Variants in ASB7 observed in about 807,000 individuals in gnomAD.
ASB7 encodes ankyrin repeat and SOCS box containing 7, also known as ankyrin repeat and SOCS box protein 7.
A neutral mutation model predicts 32.5 loss-of-function variants in ASB7; 4 were observed. That is an observed-to-expected ratio of 0.12 (90% CI 0.06 to 0.28). ASB7 has a LOEUF of 0.28. Ranked by LOEUF, ASB7 falls within the 10% of genes least tolerant of loss-of-function variation. The pLI, the probability that ASB7 is intolerant of heterozygous loss-of-function variation, is 1.00. For synonymous variants in ASB7, 172 were observed against 155.6 expected, an observed-to-expected ratio of 1.11 and a Z score of -0.78; for missense variants, 181 against 407.1, an observed-to-expected ratio of 0.44 and a Z score of 4.78.
chr15:100,622,644 T>C (rs1004129031), intron 4 of ASB7, among the ~76,000 whole-genome samples: 6 of 152,138 alleles, frequency 3.9e-5, no homozygotes, highest in Admixed American at 3.3e-4. Flanking sequence ...GAAATCTACG[T>C]ATTTTTAGTA....
At chr15:100,615,705 T>C (rs1278475630) in intron 4 of ASB7, among the ~76,000 whole-genome samples, 1 of 152,260 alleles carries the variant, frequency 6.6e-6, no homozygotes, top group Non-Finnish European at 1.5e-5. Flanking sequence ...AGATAGTCTA[T>C]GCATGTAGGC....
chr15:100,613,135 A>G (rs1567112055), intron 4 of ASB7, among the ~76,000 whole-genome samples: 1 of 152,208 alleles, frequency 6.6e-6, no homozygotes, highest in Non-Finnish European at 1.5e-5. Flanking sequence ...ATATTTGATC[A>G]TGTATACCCA....
At position 100,629,953 on chromosome 15, in the gene ASB7, G is replaced by A. The variant is rs1313900481; in HGVS notation, c.728G>A (p.Arg243Gln). Reference sequence around the variant, plus strand: ...AATTACGGAGCAGACACGAACACACGGAACTATGAAGGACAGACCCCATTG... The same window carrying A: ...AATTACGGAGCAGACACGAACACACAGAACTATGAAGGACAGACCCCATTG... Reference protein sequence around the residue: ...LYNYGADTNTRNYEGQTPLAV... With the variant: ...LYNYGADTNTQNYEGQTPLAV... The change falls in exon 5 of 6, where the codon CGG becomes CAG. Residue 243 changes from arginine to glutamine, a missense_variant. Transcript: ENST00000332783. The surrounding 1 kb of genome is among the most constrained non-coding windows in gnomAD (Gnocchi z 6.8). 5.0e-6 allele frequency: 8 copies of A among 1,614,036 alleles called. No individual in the cohort carries two copies. Among genetic ancestry groups the A allele is most frequent in the East Asian group, 2.2e-5 (1 of 44,894 alleles).
chr15:100,630,490 A>G (rs549700302), intron 5 of ASB7, among the ~76,000 whole-genome samples: 3 of 152,336 alleles, frequency 2.0e-5, no homozygotes, highest in Admixed American at 2.0e-4. Flanking sequence ...TTCACGTTTT[A>G]ATTGTGGCTT....
At chr15:100,642,875 A>G (rs1047921011) in intron 5 of ASB7, among the ~76,000 whole-genome samples, 100 of 152,314 alleles carry the variant, frequency 6.6e-4, no homozygotes, top group African/African-American at 2.2e-3. Flanking sequence ...TGTCTCTGTT[A>G]AAAATACAAA....
intron 4 of ASB7, 162 bp downstream of exon 4, chr15:100,612,589 TA>T: frequency 2.9e-6 from 2 of 691,988 alleles, no homozygotes; most frequent in Non-Finnish European, 4.8e-6. Context: ...CCTTTTTGTT[TA>T]AAACCAGATT....
At chr15:100,622,454 A>C (rs2039802407) in intron 4 of ASB7, among the ~76,000 whole-genome samples, 1 of 152,206 alleles carries the variant, frequency 6.6e-6, no homozygotes. Flanking sequence ...TAGAAAAAAC[A>C]ATCCTAAAAT....
At chr15:100,631,764 G>C (rs1366401361) in intron 5 of ASB7, among the ~76,000 whole-genome samples, 1 of 152,078 alleles carries the variant, frequency 6.6e-6, no homozygotes, top group East Asian at 1.9e-4. Context: ...AGATAATACA[G>C]GCTTGTTATG....
intron 5 of ASB7, among the ~76,000 whole-genome samples, chr15:100,647,668 G>A (rs945450075): frequency 9.2e-5 from 14 of 152,150 alleles, no homozygotes; most frequent in African/African-American, 2.2e-4. Flanking sequence ...ACCTTGAGGC[G>A]CTTTTTCACA....
chr15:100,639,751 AT>A (rs1236911871), intron 5 of ASB7, among the ~76,000 whole-genome samples: 1 of 152,226 alleles, frequency 6.6e-6, no homozygotes, highest in African/African-American at 2.4e-5. Flanking sequence ...TTAGAAATAA[AT>A]AGTACACAAT....
At chr15:100,645,683 G>T in intron 5 of ASB7, 1 of 1,509,224 alleles carries the variant, frequency 6.6e-7, no homozygotes, top group Non-Finnish European at 9.2e-7. Flanking sequence ...CAACACGAAA[G>T]AACCATCTTT....
At chr15:100,607,130 C>G (rs1354549441) in intron 2 of ASB7, among the ~76,000 whole-genome samples, 1 of 148,900 alleles carries the variant, frequency 6.7e-6, no homozygotes, top group Non-Finnish European at 1.5e-5. Flanking sequence ...TCCAGCCTGG[C>G]AATAGAGCGA....
intron 2 of ASB7, among the ~76,000 whole-genome samples, chr15:100,606,125 C>T (rs1043476012): frequency 2.2e-4 from 33 of 152,040 alleles, no homozygotes; most frequent in Admixed American, 3.3e-4. Flanking sequence ...CGTTTTGGTA[C>T]GGCCGTGTAG....
At chr15:100,636,224 G>A (rs2039922403) in intron 5 of ASB7, among the ~76,000 whole-genome samples, 1 of 152,166 alleles carries the variant, frequency 6.6e-6, no homozygotes, top group Non-Finnish European at 1.5e-5. Context: ...GTGTGGTGGA[G>A]GTTTGCCCCA....
intron 4 of ASB7, among the ~76,000 whole-genome samples, chr15:100,613,327 G>T (rs2039712396): frequency 6.6e-6 from 1 of 152,228 alleles, no homozygotes; most frequent in Non-Finnish European, 1.5e-5. Context: ...GGAAGTTCTA[G>T]AATTCTTATG....
At position 100,630,049 on chromosome 15, in the gene ASB7, A is replaced by G. The variant is rs2039872149; in HGVS notation, c.817+7A>G. On this transcript the variant is annotated splice_region_variant and intron_variant, in intron 5 of 5. Transcript: ENST00000332783. Reference sequence around the variant, plus strand: ...TTCTTACAAGAAGTCACAAGTATGTAATATAATTATTACTTTATTGCATTT... The same window carrying G: ...TTCTTACAAGAAGTCACAAGTATGTGATATAATTATTACTTTATTGCATTT... 6.4e-7 allele frequency: 1 copy of G among 1,561,008 alleles called. No individual in the cohort carries two copies. The highest frequency in any genetic ancestry group is 2.0e-5 in the Admixed American group (1 of 50,774).
At chr15:100,640,836 G>A (rs763956025) in intron 5 of ASB7, among the ~76,000 whole-genome samples, 14 of 152,102 alleles carry the variant, frequency 9.2e-5, no homozygotes, top group African/African-American at 3.4e-4. Context: ...TGTAATTTAC[G>A]CTAGACCCTT....
chr15:100,633,666 AAGG>A (rs1324126533), intron 5 of ASB7, among the ~76,000 whole-genome samples: 5 of 151,244 alleles, frequency 3.3e-5, no homozygotes, highest in Admixed American at 1.3e-4. Flanking sequence ...GGAAGGAAGG[AAGG>A]AGGAAGGAAG....
At chr15:100,610,424 G>A (rs1238245614) in intron 3 of ASB7, among the ~76,000 whole-genome samples, 1 of 151,852 alleles carries the variant, frequency 6.6e-6, no homozygotes, top group Admixed American at 6.6e-5. Flanking sequence ...GAACCCGGGA[G>A]GTGGAGGTTG....
Sources: allele counts gnomAD v4.1 joint callset (sites outside exome capture counted in the v4.1 genomes callset), GRCh38; gene constraint gnomAD v4.1.1; non-coding constraint Gnocchi (gnomAD v3.1); transcripts MANE v1.5; gene names NCBI Gene and HGNC (gene_info 2026-07-23, HGNC 2026-07-21).